ZFAT: variants seen among roughly 807,000 people sequenced by gnomAD.
ZFAT encodes the protein zinc finger protein ZFAT.
A neutral mutation model predicts 117.7 loss-of-function variants in ZFAT; 64 were observed. The ratio of observed to expected loss-of-function variants is 0.54; its 90% CI spans 0.44 to 0.67. The LOEUF (loss-of-function observed/expected upper bound fraction) is 0.67. Ranked by LOEUF, ZFAT falls within the 30% of genes least tolerant of loss-of-function variation. The probability of loss-of-function intolerance (pLI) is 0.00; values close to 1 mark genes in which losing one functional copy is unlikely to be tolerated. For synonymous variants in ZFAT, 679 were observed against 615.0 expected (o/e 1.10, Z -1.54); for missense variants, 1,433 against 1,584.5 (o/e 0.90, Z 1.62).
At chr8:134,625,872 C>T (rs966051055) in intron 3 of ZFAT, among the ~76,000 whole-genome samples, 1 of 152,300 alleles carries the variant, frequency 6.6e-6, no homozygotes, top group East Asian at 1.9e-4. Context: ...AGAGCAAAGG[C>T]CCCCTGTGCC....
intron 2 of ZFAT, among the ~76,000 whole-genome samples, chr8:134,649,163 T>TCA (rs1171134808): frequency 1.2e-5 from 1 of 80,252 alleles, no homozygotes; most frequent in South Asian, 5.1e-4. Flanking sequence ...AACATCTATC[T>TCA]CTCACACACA....
At chr8:134,610,228 G>C (rs1828221082) in intron 4 of ZFAT, among the ~76,000 whole-genome samples, 1 of 152,178 alleles carries the variant, frequency 6.6e-6, no homozygotes, top group African/African-American at 2.4e-5. Flanking sequence ...CAGCACGGCG[G>C]AGCTGTGGGA....
chr8:134,519,307 GT>G (rs1820470767), intron 13 of ZFAT, among the ~76,000 whole-genome samples: 3 of 152,102 alleles, frequency 2.0e-5, no homozygotes. Context: ...TCTTTCAGAA[GT>G]GTTTTATAGT....
At chr8:134,663,154 T>C (rs1459945081) in intron 1 of ZFAT, among the ~76,000 whole-genome samples, 3 of 152,224 alleles carry the variant, frequency 2.0e-5, no homozygotes, top group Non-Finnish European at 4.4e-5. Flanking sequence ...GAACTGGGAT[T>C]GTGCACTAAG....
chr8:134,524,010 T>C (rs1820845311), intron 12 of ZFAT, among the ~76,000 whole-genome samples: 1 of 152,238 alleles, frequency 6.6e-6, no homozygotes, highest in South Asian at 2.1e-4. Flanking sequence ...AGGGGCATCA[T>C]CCACTTATTC....
chr8:134,540,798 C>T (rs931586274), intron 11 of ZFAT, among the ~76,000 whole-genome samples: 9 of 152,222 alleles, frequency 5.9e-5, no homozygotes, highest in African/African-American at 2.2e-4. Flanking sequence ...AAAACTCTAA[C>T]CTAAAAAATA....
the ZFAT span, among the ~76,000 whole-genome samples, chr8:134,772,761 G>A: frequency 9.5e-4 from 144 of 152,246 alleles, no homozygotes; most frequent in African/African-American, 3.3e-3. Context: ...GTCAATGCCT[G>A]GCTTCAAAGC....
At chr8:134,515,376 A>G (rs528262296) in intron 13 of ZFAT, among the ~76,000 whole-genome samples, 16 of 152,338 alleles carry the variant, frequency 1.1e-4, no homozygotes, top group South Asian at 8.3e-4. Context: ...ATCCTTGAGG[A>G]ATCACCACAC....
chr8:134,756,257 C>T, the ZFAT span, among the ~76,000 whole-genome samples: 1 of 152,234 alleles, frequency 6.6e-6, no homozygotes, highest in Non-Finnish European at 1.5e-5. Context: ...ACTCCTCACA[C>T]TTATACAATA....
chr8:134,732,232 G>C, the ZFAT span, among the ~76,000 whole-genome samples: 1 of 152,242 alleles, frequency 6.6e-6, no homozygotes, highest in Non-Finnish European at 1.5e-5. Flanking sequence ...TTCTGGGTAA[G>C]CCCTGACCAT....
intron 13 of ZFAT, among the ~76,000 whole-genome samples, chr8:134,520,306 G>T (rs1364364628): frequency 6.6e-6 from 1 of 152,204 alleles, no homozygotes; most frequent in Non-Finnish European, 1.5e-5. Context: ...TGTCGACAGT[G>T]CTGAGTCTGA....
chr8:134,642,330 C>T (rs1356639720), intron 2 of ZFAT, among the ~76,000 whole-genome samples: 1 of 152,162 alleles, frequency 6.6e-6, no homozygotes, highest in African/African-American at 2.4e-5. Context: ...CTGGACCGAC[C>T]TGGGTTCAAA....
chr8:134,763,006 A>G, the ZFAT span, among the ~76,000 whole-genome samples: 7 of 152,166 alleles, frequency 4.6e-5, no homozygotes. Flanking sequence ...CTACCACAAC[A>G]GTCTCTTAAC....
intron 1 of ZFAT, among the ~76,000 whole-genome samples, chr8:134,695,048 A>G (rs997431414): frequency 2.6e-5 from 4 of 152,146 alleles, no homozygotes; most frequent in Non-Finnish European, 5.9e-5. Flanking sequence ...CGCACCGCAA[A>G]CTGATGGGCC....
At chr8:134,693,929 C>T (rs778040745) in intron 1 of ZFAT, among the ~76,000 whole-genome samples, 1 of 152,230 alleles carries the variant, frequency 6.6e-6, no homozygotes, top group African/African-American at 2.4e-5. Context: ...GTGTCTCCTG[C>T]TATGGTGTGC....
At chr8:134,710,914 A>C (rs913740412) in intron 1 of ZFAT, among the ~76,000 whole-genome samples, 2 of 152,224 alleles carry the variant, frequency 1.3e-5, no homozygotes, top group African/African-American at 2.4e-5. Context: ...TTATTTACAC[A>C]TAAGTCCTTA....
At chr8:134,800,865 AT>A in the ZFAT span, among the ~76,000 whole-genome samples, 1 of 152,000 alleles carries the variant, frequency 6.6e-6, no homozygotes, top group Admixed American at 6.6e-5. Flanking sequence ...TATTAATAAA[AT>A]TTTTTTTAGA....
At chr8:134,533,023 C>T in intron 11 of ZFAT, 51 bp from the exon 12 acceptor site, 9 of 1,557,914 alleles carry the variant, frequency 5.8e-6, no homozygotes, top group Non-Finnish European at 7.8e-6. Context: ...AGATGTCTGC[C>T]TTCGCTGCTG....
upstream of ZFAT, among the ~76,000 whole-genome samples, chr8:134,717,339 G>A (rs561705952): frequency 1.8e-3 from 268 of 150,408 alleles, 1 homozygote; most frequent in African/African-American, 6.1e-3. Context: ...CAGGCCCAAG[G>A]CTGCCACTCA....
Sources: gnomAD v4.1 joint callset for allele counts (sites outside exome capture counted in the v4.1 genomes callset) on GRCh38, gnomAD v4.1.1 for gene constraint, MANE v1.5 for transcripts, NCBI Gene and HGNC (gene_info 2026-07-23, HGNC 2026-07-21) for gene names.